The following SLX4IP variants were observed in gnomAD, a reference collection of about 807,000 sequenced individuals.
SLX4IP encodes protein SLX4IP.
A neutral mutation model predicts 32.9 loss-of-function variants in SLX4IP; 34 were observed. The observed-to-expected ratio is 1.03, with a 90% CI of 0.79 to 1.38. SLX4IP has a LOEUF of 1.38. Among genes scored for constraint, SLX4IP ranks in the 40% most tolerant of loss-of-function variants. SLX4IP has a pLI of 0.00. For missense variants in SLX4IP, 444 were observed against 479.0 expected, an observed-to-expected ratio of 0.93 and a Z score of 0.68; for synonymous variants, 172 against 171.7, an observed-to-expected ratio of 1.00 and a Z score of -0.01.
chr20:10,591,625 C>CT (rs1231969539), intron 4 of SLX4IP, among the ~76,000 whole-genome samples: 2 of 152,250 alleles, frequency 1.3e-5, no homozygotes, highest in East Asian at 3.9e-4. Flanking sequence ...TTAAAGAGAA[C>CT]TTTGAGTTTT....
intron 2 of SLX4IP, among the ~76,000 whole-genome samples, chr20:10,530,163 C>G: frequency 6.6e-6 from 1 of 152,200 alleles, no homozygotes; most frequent in East Asian, 1.9e-4. Context: ...CCTGTGCTGC[C>G]TGCCCCAGAG....
chr20:10,550,591 C>T (rs772139996), intron 2 of SLX4IP, among the ~76,000 whole-genome samples: 1 of 152,148 alleles, frequency 6.6e-6, no homozygotes, highest in Non-Finnish European at 1.5e-5. Flanking sequence ...CTTGCCCGCC[C>T]ATGCTCCACA....
In SLX4IP at chr20:10,598,740, A is replaced by G; in HGVS notation, c.304A>G (p.Thr102Ala). ...GATACGCCTTCGCTGCATCAGGAGC[A>G]CACAGAATGCTGGTAAGAAGCCGAT... Reference protein sequence around the residue: ...RGIRLRCIRSTQNAELCVFPD... With the variant: ...RGIRLRCIRSAQNAELCVFPD... The change falls in exon 5 of 8, where the codon ACA becomes GCA. Residue 102 changes from threonine to alanine, a missense_variant. Thr to Ala is a moderately conservative substitution (Grantham distance 58). Coordinates refer to ENST00000334534, the MANE Select transcript of SLX4IP (RefSeq NM_001009608.3). 1 of 1,614,060 alleles carries G rather than the reference A, an allele frequency of 6.2e-7. No individual in the cohort carries two copies. The highest frequency in any genetic ancestry group is 8.5e-7 in the Non-Finnish European group (1 of 1,179,962).
chr20:10,540,197 C>A (rs2066091912), intron 2 of SLX4IP, among the ~76,000 whole-genome samples: 1 of 145,140 alleles, frequency 6.9e-6, no homozygotes, highest in Admixed American at 7.3e-5. Context: ...CCCTCTCTTT[C>A]TTTCTTTCTC....
chr20:10,442,597 G>T, intron 1 of SLX4IP, among the ~76,000 whole-genome samples: 1 of 152,138 alleles, frequency 6.6e-6, no homozygotes, highest in Non-Finnish European at 1.5e-5. Context: ...ATCTTTTTGG[G>T]TTGTCCTACA....
intron 1 of SLX4IP, among the ~76,000 whole-genome samples, chr20:10,452,663 T>TC: frequency 3.0e-5 from 1 of 33,868 alleles, no homozygotes. Flanking sequence ...CGAAACTGTC[T>TC]CAAAAAAAAA....
rs79373447 is a variant in SLX4IP at position 10,624,961 on chromosome 20, C to T, written c.*1582C>T. 10,757 of 152,470 alleles carry T rather than the reference C, an allele frequency of 0.071. 613 individuals are homozygous for T. The highest frequency in any genetic ancestry group is 0.24 in the South Asian group (1,146 of 4,816). 9.4% of individuals were successfully genotyped at this position (152,470 alleles called of 1,614,324 possible). On this transcript the variant is annotated 3_prime_UTR_variant, in exon 8 of 8. Coordinates refer to ENST00000334534, the MANE Select transcript of SLX4IP (RefSeq NM_001009608.3). The stretch of plus-strand genomic sequence containing the variant: ...TCCTGTCCCATGATCCCAGCCTCAC[C>T]ACCCCCACTTGAAACAGCCCTTCCT...
intron 2 of SLX4IP, among the ~76,000 whole-genome samples, chr20:10,473,945 T>C (rs1294414093): frequency 2.0e-5 from 3 of 151,696 alleles, no homozygotes; most frequent in African/African-American, 4.8e-5. Flanking sequence ...GCTTCAGCCT[T>C]CCAAGTAGCT....
intron 2 of SLX4IP, among the ~76,000 whole-genome samples, chr20:10,524,628 G>C (rs561259646): frequency 1.8e-4 from 27 of 152,290 alleles, no homozygotes; most frequent in African/African-American, 5.5e-4. Flanking sequence ...GTTTTTATTT[G>C]ACCTGTGGGG....
At chr20:10,598,516 G>A (rs1327811635) in intron 4 of SLX4IP, among the ~76,000 whole-genome samples, 159 bp from the exon 5 acceptor site, 13 of 152,138 alleles carry the variant, frequency 8.5e-5, no homozygotes, top group African/African-American at 2.2e-4. Flanking sequence ...CGCCTGCCTC[G>A]GCCTCCCGAA....
chr20:10,601,586 C>T (rs747460654), intron 5 of SLX4IP, 145 bp from the exon 6 acceptor site: 72 of 644,672 alleles, frequency 1.1e-4, no homozygotes, highest in Non-Finnish European at 1.6e-4. Flanking sequence ...CGGCAAACAC[C>T]GAAAGGATGG....
chr20:10,467,615 G>A (rs1281660873), intron 2 of SLX4IP, among the ~76,000 whole-genome samples: 1 of 152,312 alleles, frequency 6.6e-6, no homozygotes, highest in Non-Finnish European at 1.5e-5. Flanking sequence ...ACTAACATAG[G>A]ATGCTGTTTT....
intron 2 of SLX4IP, among the ~76,000 whole-genome samples, chr20:10,528,147 C>T (rs2065954954): frequency 6.6e-6 from 1 of 152,068 alleles, no homozygotes; most frequent in Admixed American, 6.6e-5. Flanking sequence ...TTAACTTTTG[C>T]AGTTAATTAA....
intron 1 of SLX4IP, among the ~76,000 whole-genome samples, chr20:10,449,424 G>C (rs935211620): frequency 6.6e-5 from 10 of 152,302 alleles, no homozygotes; most frequent in African/African-American, 2.4e-4. Flanking sequence ...ACCTTGGCGT[G>C]AGGCAGAGGG....
intron 4 of SLX4IP, among the ~76,000 whole-genome samples, chr20:10,592,753 G>C (rs939268763): frequency 7.1e-6 from 1 of 141,686 alleles, no homozygotes; most frequent in Non-Finnish European, 1.5e-5. Flanking sequence ...TCTTGCCTCA[G>C]CCTCCCAAGT....
chr20:10,601,673 C>A, intron 5 of SLX4IP, 58 bp from the exon 6 acceptor site: 2 of 1,421,722 alleles, frequency 1.4e-6, no homozygotes, highest in Non-Finnish European at 9.9e-7. Context: ...CTGGAACAAC[C>A]ATTCTGTGTT....
chr20:10,526,672 T>C (rs553083844), intron 2 of SLX4IP, among the ~76,000 whole-genome samples: 1 of 152,294 alleles, frequency 6.6e-6, no homozygotes, highest in East Asian at 1.9e-4. Context: ...GGTCTCAGGC[T>C]GGGCACGGTG....
intron 2 of SLX4IP, among the ~76,000 whole-genome samples, chr20:10,540,096 T>TTCCTTCCCTTCC (rs1380282080): frequency 8.9e-6 from 1 of 111,750 alleles, no homozygotes; most frequent in Non-Finnish European, 1.9e-5. Context: ...CCTTCCTTCC[T>TTCCTTCCCTTCC]TTCCTTCCTT....
rs552294434 is a variant in SLX4IP at position 10,604,348 on chromosome 20, G to A, written c.405+2529G>A. Among the ~76,000 whole-genome samples the A allele has an allele frequency of 3.3e-5, 5 of 152,244 alleles. No homozygotes were observed. In the South Asian group the frequency reaches 1.0e-3, roughly 32 times the overall value. On this transcript the variant is annotated intron_variant, in intron 6 of 7. Transcript: ENST00000334534. ...GAACTAGTACTTGAGCAACAGCCTG[G>A]GTGCCTTACTCGTGCTGTAGCCTTG...
Sources: allele counts gnomAD v4.1 joint callset (sites outside exome capture counted in the v4.1 genomes callset), GRCh38; gene constraint gnomAD v4.1.1; transcripts MANE v1.5; gene names NCBI Gene and HGNC (gene_info 2026-07-23, HGNC 2026-07-21).